Variants in DLGAP2 observed in about 807,000 individuals in gnomAD.
The protein encoded by DLGAP2 is disks large-associated protein 2.
DLGAP2 carries 26 observed loss-of-function variants against 100.3 expected under a neutral mutation model. The observed-to-expected ratio is 0.26, with a 90% CI of 0.19 to 0.36. The LOEUF is 0.36. DLGAP2 is among the 10% of genes least tolerant of loss of function. The pLI, the probability that DLGAP2 is intolerant of heterozygous loss-of-function variation, is 1.00. For missense variants in DLGAP2, 1,858 were observed against 1,453.2 expected (o/e 1.28, Z -4.53); for synonymous variants, 886 against 630.1 (o/e 1.41, Z -6.08).
intron 1 of DLGAP2, among the ~76,000 whole-genome samples, chr8:851,264 G>C (rs1407915084): frequency 6.6e-6 from 1 of 152,210 alleles, no homozygotes; most frequent in Non-Finnish European, 1.5e-5. Flanking sequence ...GCACCATCCA[G>C]GTGTGTGTGA....
At chr8:1,202,227 G>A (rs1200503131) in intron 2 of DLGAP2, among the ~76,000 whole-genome samples, 1 of 142,362 alleles carries the variant, frequency 7.0e-6, no homozygotes, top group Non-Finnish European at 1.5e-5. Flanking sequence ...CATGTATTCT[G>A]TATGTATAGA....
In DLGAP2 at chr8:874,208, G is replaced by C. The variant is rs571291721; in HGVS notation, c.19-33704G>C. Among the ~76,000 whole-genome samples the C allele has an allele frequency of 2.0e-5, 3 of 151,524 alleles. No individual in the cohort carries two copies. The South Asian group carries it at 6.2e-4, about 32-fold the overall frequency. Reference sequence around the variant, plus strand: ...TTTTTTCTGTTCTCTATTAGTTTCTGTTTTAATATTATTATTTTTTCTTTT... The same window carrying C: ...TTTTTTCTGTTCTCTATTAGTTTCTCTTTTAATATTATTATTTTTTCTTTT... On this transcript the variant is annotated intron_variant, in intron 1 of 14. Transcript: ENST00000637795.
chr8:1,300,930 G>C (rs117424182), intron 3 of DLGAP2: 1 of 152,358 alleles, frequency 6.6e-6, no homozygotes, highest in African/African-American at 2.4e-5. Flanking sequence ...TGCATGAACC[G>C]AGCTCAGCGT....
chr8:1,543,444 C>A (rs1031982216), intron 4 of DLGAP2, among the ~76,000 whole-genome samples: 27 of 152,276 alleles, frequency 1.8e-4, no homozygotes, highest in African/African-American at 6.0e-4. Flanking sequence ...GTAGGAGAGA[C>A]TATTCTTTCC....
At chr8:923,836 C>T (rs755035799) in intron 2 of DLGAP2, among the ~76,000 whole-genome samples, 9 of 152,138 alleles carry the variant, frequency 5.9e-5, no homozygotes, top group Non-Finnish European at 1.5e-5. Flanking sequence ...TCAAAGACTG[C>T]CAAAGGTCTA....
intron 2 of DLGAP2, among the ~76,000 whole-genome samples, chr8:1,027,097 G>A (rs1472579468): frequency 6.6e-6 from 1 of 152,090 alleles, no homozygotes; most frequent in Non-Finnish European, 1.5e-5. Context: ...TAGTATTTAG[G>A]GAAGGGTTTT....
chr8:1,584,394 C>T (rs1392701608), intron 6 of DLGAP2, among the ~76,000 whole-genome samples: 1 of 152,190 alleles, frequency 6.6e-6, no homozygotes, highest in Non-Finnish European at 1.5e-5. Context: ...CTCGTGCATG[C>T]CACACACCTG....
chr8:1,431,233 T>C (rs1013955501), intron 3 of DLGAP2, among the ~76,000 whole-genome samples: 10 of 152,238 alleles, frequency 6.6e-5, no homozygotes, highest in African/African-American at 9.6e-5. Context: ...TCTGTCAATC[T>C]GACACATCAT....
In DLGAP2 at chr8:1,467,027, G is replaced by T. The variant is rs185296149; in HGVS notation, c.107-34339G>T. Among the ~76,000 whole-genome samples the T allele has an allele frequency of 6.5e-4, 96 of 147,508 alleles. 2 individuals are homozygous for T. Among genetic ancestry groups the T allele is most frequent in the African/African-American group, 2.4e-3 (90 of 37,060 alleles). Reference sequence around the variant, plus strand: ...GCTTCAAGAAAGTGGGGGGGATGTGGGCAGATGGGATTTTGCCGGGTGATA... The same window carrying T: ...GCTTCAAGAAAGTGGGGGGGATGTGTGCAGATGGGATTTTGCCGGGTGATA... On this transcript the variant is annotated intron_variant, in intron 3 of 14. Transcript: ENST00000637795.
chr8:796,255 A>G (rs1368277881), intron 1 of DLGAP2, among the ~76,000 whole-genome samples: 1 of 152,070 alleles, frequency 6.6e-6, no homozygotes, highest in African/African-American at 2.4e-5. Flanking sequence ...CTCCCCGGTG[A>G]TGAGCTGACT....
chr8:1,501,415 G>A lies in DLGAP2; in HGVS notation c.156G>A (p.Pro52=), dbSNP rs777663374. ...AGCCGGGCATCAGCTTTCCGGGGCC[G>A]GCAGAGGAGGATCTAGGTAGAGTAC... is the stretch of plus-strand genomic sequence containing the variant. ...LVQPGISFPG[P]AEEDLDPQYS... The change falls in exon 4 of 15, where the codon CCG becomes CCA. Residue 52 remains proline, a synonymous_variant. Transcript: ENST00000637795. 1.7e-5 allele frequency: 26 copies of A among 1,535,638 alleles called. No individual in the cohort carries two copies. The Middle Eastern group carries it at 5.0e-4, about 30-fold the overall frequency.
intron 4 of DLGAP2, among the ~76,000 whole-genome samples, chr8:1,516,161 T>G (rs893198229): frequency 7.1e-6 from 1 of 139,896 alleles, no homozygotes; most frequent in Non-Finnish European, 1.6e-5. Context: ...GAGTGAGTGA[T>G]TGGATGAGTG....
rs72507648 is a variant in DLGAP2 at position 1,468,069 on chromosome 8, A to G, written c.107-33297A>G. Reference sequence around the variant, plus strand: ...GTGGCTTGCATCTTGACCCCTGTACAGAGACACTTTCAGAAATCACTTGCC... The same window carrying G: ...GTGGCTTGCATCTTGACCCCTGTACGGAGACACTTTCAGAAATCACTTGCC... On this transcript the variant is annotated intron_variant, in intron 3 of 14. Coordinates refer to ENST00000637795, the MANE Select transcript of DLGAP2 (RefSeq NM_001346810.2). Among the ~76,000 whole-genome samples the G allele has an allele frequency of 1.5e-3, 235 of 152,338 alleles. No homozygotes were observed. In the East Asian group the frequency reaches 0.03, roughly 19 times the overall value.
chr8:1,244,748 G>A (rs1585185630), intron 2 of DLGAP2, among the ~76,000 whole-genome samples: 1 of 152,176 alleles, frequency 6.6e-6, no homozygotes, highest in South Asian at 2.1e-4. Flanking sequence ...AAAGCGCAAA[G>A]CACAAGCAAC....
At chr8:1,127,649 C>T (rs1394482783) in intron 2 of DLGAP2, among the ~76,000 whole-genome samples, 1 of 152,224 alleles carries the variant, frequency 6.6e-6, no homozygotes, top group African/African-American at 2.4e-5. Context: ...CCCCTCCTTT[C>T]CCTGTCCCTG....
chr8:1,667,836 G>T (rs1798583661), intron 8 of DLGAP2, among the ~76,000 whole-genome samples: 1 of 152,198 alleles, frequency 6.6e-6, no homozygotes, highest in Admixed American at 6.5e-5. Context: ...TGTCCTGCGG[G>T]GACACACCTT....
At position 832,632 on chromosome 8, in the gene DLGAP2, C is replaced by A. The variant is rs192201738; in HGVS notation, c.19-75280C>A. Among the ~76,000 whole-genome samples, 343 of 152,332 alleles carry A rather than the reference C, an allele frequency of 2.3e-3. 2 individuals are homozygous for A. Among genetic ancestry groups the A allele is most frequent in the African/African-American group, 7.9e-3 (330 of 41,588 alleles). The stretch of plus-strand genomic sequence containing the variant: ...TTAATTGTGGTCATGGGATATCTGC[C>A]TGTCACTTTTCTTTTGCACTGATTT... On this transcript the variant is annotated intron_variant, in intron 1 of 14. Transcript: ENST00000637795.
At chr8:785,339 C>T (rs1366735265) in intron 1 of DLGAP2, among the ~76,000 whole-genome samples, 3 of 150,960 alleles carry the variant, frequency 2.0e-5, no homozygotes, top group South Asian at 2.1e-4. Flanking sequence ...AGGCTGAAAG[C>T]GGAGCTCTCA....
chr8:1,475,799 T>C (rs1240829582), intron 3 of DLGAP2, among the ~76,000 whole-genome samples: 2 of 152,182 alleles, frequency 1.3e-5, no homozygotes, highest in Non-Finnish European at 2.9e-5. Flanking sequence ...GCTTCTAGTG[T>C]GTGATTTATA....
Sources: allele counts gnomAD v4.1 joint callset (sites outside exome capture counted in the v4.1 genomes callset), GRCh38; gene constraint gnomAD v4.1.1; transcripts MANE v1.5; gene names NCBI Gene and HGNC (gene_info 2026-07-23, HGNC 2026-07-21).